BDP1: variants seen among roughly 807,000 people sequenced by gnomAD.
BDP1 encodes the protein BDP1 general transcription factor IIIB subunit.
Under a neutral mutation model 266.6 loss-of-function variants are expected in BDP1, and 169 were observed. That is an observed-to-expected ratio of 0.63 (90% confidence interval 0.56 to 0.72). The LOEUF (loss-of-function observed/expected upper bound fraction) is 0.72, where lower values mean the gene tolerates loss of function less well. BDP1 is among the 30% of genes least tolerant of loss of function. The pLI is 0.00. For synonymous variants in BDP1, 1,090 were observed against 1,022.4 expected, an observed-to-expected ratio of 1.07 and a Z score of -1.26; for missense variants, 3,015 against 3,053.8, an observed-to-expected ratio of 0.99 and a Z score of 0.30.
chr5:71,518,953 G>T (rs1213837085), intron 22 of BDP1, among the ~76,000 whole-genome samples: 1 of 147,300 alleles, frequency 6.8e-6, no homozygotes, highest in Admixed American at 6.9e-5. Flanking sequence ...CCGAGTAGTT[G>T]GGATTGCAGG....
rs1580227184 is a variant in BDP1, at chr5:71,560,195, A to T, written c.7454A>T (p.Gln2485Leu). 3 of 1,614,182 alleles carry T rather than the reference A, an allele frequency of 1.9e-6. No homozygotes were observed. Among genetic ancestry groups the T allele is most frequent in the Non-Finnish European group, 2.5e-6 (3 of 1,180,020 alleles). Reference protein sequence around the residue: ...ERTDAAPKSQQMDSRTSSSKA... With the variant: ...ERTDAAPKSQLMDSRTSSSKA... ...ACTGATGCTGCTCCTAAGTCTCAGC[A>T]AATGGATAGCAGAACATCGTCTTCT... The change falls in exon 37 of 39, where the codon CAA becomes CTA. Residue 2485 changes from glutamine (Q) to leucine (L), a missense_variant. Physicochemically the swap from Gln to Leu is moderately radical, Grantham distance 113. Around this residue, in one of 3 missense-constraint regions of BDP1, gnomAD observed 629 missense variants for 632.5 expected, o/e 0.99. Coordinates refer to ENST00000358731, the MANE Select transcript of BDP1 (RefSeq NM_018429.3).
At chr5:71,473,021 T>A (rs1762357506) in intron 7 of BDP1, among the ~76,000 whole-genome samples, 1 of 150,146 alleles carries the variant, frequency 6.7e-6, no homozygotes, top group Non-Finnish European at 1.5e-5. Context: ...TAGTTGGGAC[T>A]ACGGGCACGT....
chr5:71,566,107 A>G lies in BDP1; in HGVS notation c.*1222A>G, dbSNP rs149031068. ...AATACCTTTTTCCCCTCAGTTTAGTATATTGACTTTGTACTGTAAATTTTT... is the reference window on the plus strand; with the variant it reads ...AATACCTTTTTCCCCTCAGTTTAGTGTATTGACTTTGTACTGTAAATTTTT... On this transcript the variant is annotated 3_prime_UTR_variant, in exon 39 of 39. Coordinates refer to ENST00000358731, the MANE Select transcript of BDP1 (RefSeq NM_018429.3). 4.7e-3 allele frequency: 794 copies of G among 169,922 alleles called. 8 individuals are homozygous for G. The highest frequency in any genetic ancestry group is 0.018 in the African/African-American group (758 of 41,788). The allele number at this position is 169,922 out of a possible 1,614,324, so 10.5% of individuals were successfully genotyped here. A position where few individuals can be genotyped will look rare whatever the true frequency, so the allele number is the denominator to read the frequency against.
At chr5:71,464,746 G>A (rs1298553550) in intron 4 of BDP1, among the ~76,000 whole-genome samples, 2 of 128,330 alleles carry the variant, frequency 1.6e-5, no homozygotes, top group East Asian at 5.2e-4. Context: ...TTGAGATGGA[G>A]TCTTGCTCTG....
intron 36 of BDP1, among the ~76,000 whole-genome samples, chr5:71,559,167 C>A (rs1049329949): frequency 2.0e-5 from 3 of 152,124 alleles, no homozygotes; most frequent in South Asian, 4.2e-4. Flanking sequence ...AAAACAAAAA[C>A]AAAAAAACTC....
chr5:71,558,206 G>A (rs1253410498), intron 36 of BDP1, among the ~76,000 whole-genome samples: 1 of 152,180 alleles, frequency 6.6e-6, no homozygotes, highest in Non-Finnish European at 1.5e-5. Context: ...ATAGAGAAGG[G>A]TTTGATAACC....
intron 22 of BDP1, among the ~76,000 whole-genome samples, chr5:71,517,984 T>C (rs982010439): frequency 2.6e-5 from 4 of 152,216 alleles, no homozygotes; most frequent in Non-Finnish European, 4.4e-5. Context: ...TAAAGTATAC[T>C]TAACAGTATA....
chr5:71,497,226 A>G (rs376788254), intron 12 of BDP1, 44 bp from the exon 13 acceptor site: 1 of 1,552,730 alleles, frequency 6.4e-7, no homozygotes, highest in Non-Finnish European at 8.8e-7. Context: ...TCATTTGGAC[A>G]TGACTGCATG....
rs1487005279 is a variant in BDP1, at chr5:71,510,038, A to C, written c.2946A>C (p.Lys982Asn). 3.7e-6 allele frequency: 6 copies of C among 1,613,060 alleles called. No homozygotes were observed. The highest frequency in any genetic ancestry group is 5.1e-6 in the Non-Finnish European group (6 of 1,179,852). ...EVTDATEEIDKNLEETGRRKI... is the reference protein window; with the variant it reads ...EVTDATEEIDNNLEETGRRKI... ...CTGATGCCACTGAGGAAATAGACAA[A>C]AATTTGGAAGAAACTGGAAGAAGAA... is the stretch of plus-strand genomic sequence containing the variant. Residue 982 changes from lysine to asparagine, a missense_variant, in exon 17 of 39, where the codon AAA (lysine) becomes AAC (asparagine). Transcript: ENST00000358731.
intron 11 of BDP1, among the ~76,000 whole-genome samples, chr5:71,493,923 A>G (rs552748844): frequency 1.3e-5 from 2 of 152,264 alleles, no homozygotes; most frequent in Non-Finnish European, 2.9e-5. Flanking sequence ...CATATCCGCT[A>G]ACTTCCTGAT....
intron 13 of BDP1, among the ~76,000 whole-genome samples, chr5:71,499,375 G>A (rs999581842): frequency 6.6e-6 from 1 of 152,198 alleles, no homozygotes; most frequent in Non-Finnish European, 1.5e-5. Flanking sequence ...CCAGCACTTT[G>A]TGAGGCCAAG....
At chr5:71,469,776 G>A (rs936736788) in intron 6 of BDP1, among the ~76,000 whole-genome samples, 2 of 150,714 alleles carry the variant, frequency 1.3e-5, no homozygotes, top group Non-Finnish European at 2.9e-5. Context: ...ACCACGCCCA[G>A]CTCATTTTTT....
chr5:71,466,227 T>G lies in BDP1; in HGVS notation c.785+6T>G. The G allele has an allele frequency of 6.2e-7, 1 of 1,613,704 alleles. No homozygotes were observed. The highest frequency in any genetic ancestry group is 8.5e-7 in the Non-Finnish European group (1 of 1,179,900). ...ATTATTTTGGATGAAGAAAGGTATTTAGAAAAGAGAAAAAGTGAGATTGTG... is the reference window on the plus strand; with the variant it reads ...ATTATTTTGGATGAAGAAAGGTATTGAGAAAAGAGAAAAAGTGAGATTGTG... On this transcript the variant is annotated splice_donor_region_variant and intron_variant, in intron 5 of 38. Coordinates refer to ENST00000358731, the MANE Select transcript of BDP1 (RefSeq NM_018429.3).
chr5:71,546,617 CAAAAAAAAAA>C (rs70992980), intron 32 of BDP1, among the ~76,000 whole-genome samples: 1 of 57,766 alleles, frequency 1.7e-5, no homozygotes, highest in East Asian at 6.2e-4. Flanking sequence ...GACTCTGTCT[CAAAAAAAAAA>C]AAAAAAAAAA....
intron 36 of BDP1, among the ~76,000 whole-genome samples, chr5:71,557,576 G>C (rs1437561692): frequency 2.0e-5 from 3 of 151,900 alleles, no homozygotes; most frequent in Non-Finnish European, 4.4e-5. Flanking sequence ...AGTAGAGACA[G>C]GATTTCACCG....
chr5:71,516,671 G>A (rs1040396674), intron 21 of BDP1, among the ~76,000 whole-genome samples: 1 of 152,060 alleles, frequency 6.6e-6, no homozygotes, highest in African/African-American at 2.4e-5. Flanking sequence ...TATGTTAAGT[G>A]GCTTTCTGGA....
chr5:71,485,651 G>A (rs1763221656), intron 8 of BDP1, among the ~76,000 whole-genome samples: 1 of 152,128 alleles, frequency 6.6e-6, no homozygotes, highest in Non-Finnish European at 1.5e-5. Context: ...GCAAGGATTT[G>A]CCTCCTGGTC....
At chr5:71,469,842 C>CTTTT (rs35377501) in intron 6 of BDP1, among the ~76,000 whole-genome samples, 1 of 123,790 alleles carries the variant, frequency 8.1e-6, no homozygotes, top group Admixed American at 8.7e-5. Flanking sequence ...GTCTCAAACT[C>CTTTT]TTTTTTTTTT....
chr5:71,548,976 C>T (rs1422672892), intron 33 of BDP1, among the ~76,000 whole-genome samples: 1 of 152,176 alleles, frequency 6.6e-6, no homozygotes, highest in Non-Finnish European at 1.5e-5. Flanking sequence ...ACTTCTTGGG[C>T]CAGTCATGGT....
Sources: allele counts gnomAD v4.1 joint callset (sites outside exome capture counted in the v4.1 genomes callset), GRCh38; gene constraint gnomAD v4.1.1; regional missense constraint gnomAD v4.1.1; transcripts MANE v1.5; gene names NCBI Gene and HGNC (gene_info 2026-07-23, HGNC 2026-07-21).